The following ANXA2 variants were observed in gnomAD, a reference collection of about 807,000 sequenced individuals.
ANXA2 encodes the protein annexin A2.
Under a neutral mutation model 47.3 loss-of-function variants are expected in ANXA2, and 28 were observed. The observed-to-expected ratio is 0.59, with a 90% CI of 0.44 to 0.81. The LOEUF (loss-of-function observed/expected upper bound fraction) is 0.81, where lower values mean the gene tolerates loss of function less well. Ranked by LOEUF, ANXA2 falls within the 40% of genes least tolerant of loss-of-function variation. The pLI is 0.00. For missense variants in ANXA2, 384 were observed against 414.3 expected (o/e 0.93, Z 0.64); for synonymous variants, 172 against 155.5 (o/e 1.11, Z -0.79).
At chr15:60,388,266 G>C (rs796569960) in intron 1 of ANXA2, among the ~76,000 whole-genome samples, 23 of 152,082 alleles carry the variant, frequency 1.5e-4, no homozygotes, top group African/African-American at 5.6e-4. Context: ...AGCCTCATGT[G>C]GCTACAAAGC....
chr15:60,381,800 G>A (rs981538686), intron 3 of ANXA2, among the ~76,000 whole-genome samples: 1 of 151,942 alleles, frequency 6.6e-6, no homozygotes, highest in African/African-American at 2.4e-5. Flanking sequence ...TAAATTAAAG[G>A]GGACTTGGAA....
At chr15:60,373,242 T>C (rs1330675863) in intron 3 of ANXA2, among the ~76,000 whole-genome samples, 1 of 152,170 alleles carries the variant, frequency 6.6e-6, no homozygotes, top group African/African-American at 2.4e-5. Context: ...CTGTAGATAA[T>C]GATTTGCCAC....
rs373761666 is a variant in ANXA2, at chr15:60,360,931, A to G, written c.357+10T>C. 52 of 1,535,178 alleles carry G rather than the reference A, an allele frequency of 3.4e-5. No individual in the cohort carries two copies. The highest frequency in any genetic ancestry group is 4.5e-5 in the Non-Finnish European group (50 of 1,108,204). On this transcript the variant is annotated intron_variant, in intron 5 of 12. Transcript: ENST00000451270. ...AGATTTGACAGAGATGACATCTCAC[A>G]TGCATTTACCTTCATGGAAGCTTTT...
intron 11 of ANXA2, among the ~76,000 whole-genome samples, chr15:60,350,551 G>A (rs1424499431): frequency 2.6e-5 from 4 of 152,180 alleles, no homozygotes; most frequent in Non-Finnish European, 5.9e-5. Flanking sequence ...GCACAGACAA[G>A]GGAGATGTTC....
chr15:60,360,929 A>C lies in ANXA2; in HGVS notation c.357+12T>G, dbSNP rs765844231. 1 of 1,510,908 alleles carries C rather than the reference A, an allele frequency of 6.6e-7. No individual in the cohort carries two copies. 93.6% of individuals were successfully genotyped at this position (1,510,908 alleles called of 1,614,324 possible). ...GCAGATTTGACAGAGATGACATCTCACATGCATTTACCTTCATGGAAGCTT... is the reference window on the plus strand; with the variant it reads ...GCAGATTTGACAGAGATGACATCTCCCATGCATTTACCTTCATGGAAGCTT... On this transcript the variant is annotated intron_variant, in intron 5 of 12. Transcript: ENST00000451270.
intron 3 of ANXA2, among the ~76,000 whole-genome samples, chr15:60,378,547 C>T (rs1198888750): frequency 6.6e-6 from 1 of 152,266 alleles, no homozygotes; most frequent in East Asian, 1.9e-4. Flanking sequence ...TTACGAATAT[C>T]ATATTCTTTC....
At chr15:60,369,946 C>T (rs2062690344) in intron 3 of ANXA2, among the ~76,000 whole-genome samples, 1 of 152,122 alleles carries the variant, frequency 6.6e-6, no homozygotes, top group African/African-American at 2.4e-5. Context: ...CAATGCAGTC[C>T]CACACTCTTA....
intron 5 of ANXA2, among the ~76,000 whole-genome samples, chr15:60,359,737 G>A (rs1022503837): frequency 2.6e-5 from 4 of 152,176 alleles, no homozygotes; most frequent in Non-Finnish European, 5.9e-5. Context: ...CAGGCTTACA[G>A]CTCAGACTGT....
chr15:60,376,998 G>A lies in ANXA2; in HGVS notation c.148+5344C>T, dbSNP rs1033747916. On this transcript the variant is annotated intron_variant, in intron 3 of 12. Coordinates refer to ENST00000451270, the MANE Select transcript of ANXA2 (RefSeq NM_004039.3). ...CGGCTACCCCCGTCTAGGAGAGAAA[G>A]AGGGCCAGTCATCGTCACATGGTCC... 5.9e-5 allele frequency among the ~76,000 whole-genome samples: 9 copies of A among 152,252 alleles called. No individual in the cohort carries two copies. The South Asian group carries it at 1.9e-3, about 31-fold the overall frequency.
At chr15:60,381,514 C>G (rs2062858662) in intron 3 of ANXA2, among the ~76,000 whole-genome samples, 1 of 152,096 alleles carries the variant, frequency 6.6e-6, no homozygotes, top group Admixed American at 6.5e-5. Context: ...ACCCAGAAAA[C>G]AATATAATGA....
chr15:60,373,854 G>T (rs532505255), intron 3 of ANXA2, among the ~76,000 whole-genome samples: 8 of 152,336 alleles, frequency 5.3e-5, no homozygotes, highest in African/African-American at 1.9e-4. Context: ...GCCTGCATTT[G>T]AATTTCTGCC....
intron 1 of ANXA2, 55 bp downstream of exon 1, chr15:60,397,888 C>A (rs768642347): frequency 6.6e-6 from 9 of 1,373,866 alleles, no homozygotes; most frequent in East Asian, 3.0e-5. Context: ...CCCAGCGTCT[C>A]CACACCCCGC....
rs1408873648 is a variant in ANXA2 at position 60,390,476 on chromosome 15, C to T, written c.-11-4390G>A. ...GGACTCCCTGTATGCCCAGGGAAAG[C>T]GGCGTTATGACAAGAAGCAGAGTGA... is the stretch of plus-strand genomic sequence containing the variant. On this transcript the variant is annotated intron_variant, in intron 1 of 12. Coordinates refer to ENST00000451270, the MANE Select transcript of ANXA2 (RefSeq NM_004039.3). 1.2e-5 allele frequency: 6 copies of T among 507,174 alleles called. No homozygotes were observed. The East Asian group carries it at 1.7e-4, about 14-fold the overall frequency. 31.4% of individuals were successfully genotyped at this position (507,174 alleles called of 1,614,324 possible). A position where few individuals can be genotyped will look rare whatever the true frequency, so the allele number is the denominator to read the frequency against.
At chr15:60,363,049 A>AC (rs1375926109) in intron 4 of ANXA2, 5 of 150,958 alleles carry the variant, frequency 3.3e-5, no homozygotes, top group African/African-American at 1.2e-4. Context: ...AAAAAAAAAA[A>AC]AAAAAAAAAG....
At chr15:60,354,100 T>C in intron 8 of ANXA2, 54 bp downstream of exon 8, 2 of 1,447,940 alleles carry the variant, frequency 1.4e-6, no homozygotes, top group Non-Finnish European at 9.6e-7. Flanking sequence ...CTATATAGAC[T>C]ATCCAGAGAC....
chr15:60,363,818 G>C (rs1310186136), intron 4 of ANXA2, among the ~76,000 whole-genome samples: 3 of 152,144 alleles, frequency 2.0e-5, no homozygotes, highest in African/African-American at 4.8e-5. Context: ...AGCTTGTTAG[G>C]ATCAACACTC....
intron 8 of ANXA2, among the ~76,000 whole-genome samples, chr15:60,353,329 G>C (rs1206952789): frequency 6.6e-6 from 1 of 152,122 alleles, no homozygotes; most frequent in Non-Finnish European, 1.5e-5. Flanking sequence ...ACAGGTCTCT[G>C]CTGGCCTCCC....
intron 8 of ANXA2, 62 bp downstream of exon 8, chr15:60,354,092 A>T: frequency 7.4e-7 from 1 of 1,351,708 alleles, no homozygotes; most frequent in Non-Finnish European, 1.0e-6. Flanking sequence ...TTAAATTACT[A>T]TATAGACTAT....
intron 8 of ANXA2, 79 bp downstream of exon 8, chr15:60,354,075 C>A (rs2062388026): frequency 8.7e-7 from 1 of 1,151,314 alleles, no homozygotes. Context: ...TCATTTGTCA[C>A]ACAGAGTTAA....
Sources: gnomAD v4.1 joint callset for allele counts (sites outside exome capture counted in the v4.1 genomes callset) on GRCh38, gnomAD v4.1.1 for gene constraint, MANE v1.5 for transcripts, NCBI Gene and HGNC (gene_info 2026-07-23, HGNC 2026-07-21) for gene names.